CTNNA3: variants seen among roughly 807,000 people sequenced by gnomAD.
CTNNA3 encodes the protein catenin alpha 3, also known as catenin alpha-3.
CTNNA3 carries 76 observed loss-of-function variants against 95.7 expected under a neutral mutation model. The ratio of observed to expected loss-of-function variants is 0.79; its 90% CI spans 0.66 to 0.96. The LOEUF (loss-of-function observed/expected upper bound fraction) is 0.96, where lower values mean the gene tolerates loss of function less well. Ranked by LOEUF, CTNNA3 falls within the 40% of genes least tolerant of loss-of-function variation. The probability of loss-of-function intolerance (pLI) is 0.00; values close to 1 mark genes in which losing one functional copy is unlikely to be tolerated. For missense variants in CTNNA3, 1,191 were observed against 1,089.8 expected (o/e 1.09, Z -1.31); for synonymous variants, 431 against 374.4 (o/e 1.15, Z -1.74).
chr10:66,049,907 T>G (rs1016614360), intron 15 of CTNNA3, among the ~76,000 whole-genome samples: 10 of 152,126 alleles, frequency 6.6e-5, no homozygotes, highest in African/African-American at 2.4e-4. Flanking sequence ...TATTTGCCTA[T>G]GTAACAAACC....
In CTNNA3 at chr10:66,220,918, G is replaced by A. The variant is rs574653460; in HGVS notation, c.1884+59552C>T. 2.0e-5 allele frequency among the ~76,000 whole-genome samples: 3 copies of A among 152,256 alleles called. No individual in the cohort carries two copies. The East Asian group carries it at 5.8e-4, about 29-fold the overall frequency. ...GGTGGGCCAGAGTGGTTTTGAAAAAGACAACATTCAAGCCAGAAAACAGGG... is the reference window on the plus strand; with the variant it reads ...GGTGGGCCAGAGTGGTTTTGAAAAAAACAACATTCAAGCCAGAAAACAGGG... On this transcript the variant is annotated intron_variant, in intron 13 of 17. Coordinates refer to ENST00000433211, the MANE Select transcript of CTNNA3 (RefSeq NM_013266.4).
At chr10:66,611,382 A>G (rs1308094611) in intron 10 of CTNNA3, among the ~76,000 whole-genome samples, 2 of 152,230 alleles carry the variant, frequency 1.3e-5, no homozygotes, top group Admixed American at 6.5e-5. Context: ...TCCAAATATC[A>G]TATGTACCCC....
At chr10:66,929,139 T>C (rs1847233825) in intron 7 of CTNNA3, among the ~76,000 whole-genome samples, 1 of 152,194 alleles carries the variant, frequency 6.6e-6, no homozygotes, top group Admixed American at 6.5e-5. Flanking sequence ...GACAAAAATG[T>C]AAAGTTTTCG....
intron 1 of CTNNA3, among the ~76,000 whole-genome samples, chr10:67,680,234 G>T (rs1840602220): frequency 6.6e-6 from 1 of 152,134 alleles, no homozygotes; most frequent in Admixed American, 6.6e-5. Flanking sequence ...AGGTCCAGGG[G>T]GTCTCAAGCA....
intron 10 of CTNNA3, among the ~76,000 whole-genome samples, chr10:66,612,790 C>T (rs960588659): frequency 2.0e-5 from 3 of 152,026 alleles, no homozygotes; most frequent in African/African-American, 7.2e-5. Flanking sequence ...ATGCCCTTTT[C>T]GTATTTTCCC....
At chr10:66,000,933 C>A (rs1333690609) in intron 15 of CTNNA3, among the ~76,000 whole-genome samples, 1 of 151,996 alleles carries the variant, frequency 6.6e-6, no homozygotes, top group African/African-American at 2.4e-5. Context: ...TGTTGCCTCC[C>A]ATAAAACATA....
At chr10:66,018,874 T>A (rs1032121162) in intron 15 of CTNNA3, among the ~76,000 whole-genome samples, 2 of 151,740 alleles carry the variant, frequency 1.3e-5, no homozygotes, top group African/African-American at 4.8e-5. Flanking sequence ...TAGGAAGTGA[T>A]AGATGATCAA....
At chr10:66,016,219 C>T (rs1189071838) in intron 15 of CTNNA3, among the ~76,000 whole-genome samples, 1 of 152,120 alleles carries the variant, frequency 6.6e-6, no homozygotes, top group Non-Finnish European at 1.5e-5. Flanking sequence ...TGAGACACAC[C>T]TATTTATGTA....
chr10:67,520,190 TAATA>T (rs1839940754), intron 5 of CTNNA3, among the ~76,000 whole-genome samples: 1 of 152,220 alleles, frequency 6.6e-6, no homozygotes, highest in South Asian at 2.1e-4. Context: ...GCTTTTCATT[TAATA>T]AATAGTATAG....
At chr10:66,318,671 T>C (rs777865459) in intron 12 of CTNNA3, among the ~76,000 whole-genome samples, 79 of 152,098 alleles carry the variant, frequency 5.2e-4, no homozygotes, top group Non-Finnish European at 2.2e-4. Context: ...TTCTAAAAAT[T>C]CTTCCATGCT....
intron 5 of CTNNA3, among the ~76,000 whole-genome samples, chr10:67,389,411 C>A (rs1311342859): frequency 6.6e-6 from 1 of 151,154 alleles, no homozygotes; most frequent in Non-Finnish European, 1.5e-5. Flanking sequence ...ATTCATAAAG[C>A]AAGTCCTGAG....
At chr10:66,051,503 T>C (rs1194749118) in intron 15 of CTNNA3, among the ~76,000 whole-genome samples, 2 of 152,212 alleles carry the variant, frequency 1.3e-5, no homozygotes, top group Non-Finnish European at 2.9e-5. Flanking sequence ...TCATGAAATA[T>C]CTTGTATGAA....
intron 7 of CTNNA3, among the ~76,000 whole-genome samples, chr10:67,000,558 A>G (rs1378990424): frequency 1.3e-5 from 2 of 152,022 alleles, no homozygotes; most frequent in Non-Finnish European, 2.9e-5. Context: ...TACACCAATC[A>G]CCTCCTCCAA....
At chr10:66,473,115 T>C (rs898212981) in intron 11 of CTNNA3, among the ~76,000 whole-genome samples, 3 of 151,992 alleles carry the variant, frequency 2.0e-5, no homozygotes, top group Admixed American at 6.6e-5. Context: ...AATGAGAGTA[T>C]TAGCCTATCC....
At chr10:67,306,790 A>T (rs547049928) in intron 5 of CTNNA3, among the ~76,000 whole-genome samples, 11 of 152,060 alleles carry the variant, frequency 7.2e-5, no homozygotes, top group African/African-American at 2.7e-4. Flanking sequence ...ATTTTTTTAA[A>T]AAAAAATACA....
intron 12 of CTNNA3, among the ~76,000 whole-genome samples, chr10:66,372,801 G>T (rs991450903): frequency 1.3e-5 from 2 of 152,100 alleles, no homozygotes; most frequent in Admixed American, 1.3e-4. Flanking sequence ...AAAACCATCA[G>T]ATTTTGTGAG....
At chr10:67,164,417 G>A (rs1204048675) in intron 7 of CTNNA3, among the ~76,000 whole-genome samples, 1 of 152,058 alleles carries the variant, frequency 6.6e-6, no homozygotes, top group Admixed American at 6.6e-5. Context: ...GGAACTTTGA[G>A]AAAAGTCTCA....
chr10:66,159,866 G>T (rs910648955), intron 13 of CTNNA3, among the ~76,000 whole-genome samples: 5 of 151,720 alleles, frequency 3.3e-5, no homozygotes, highest in Non-Finnish European at 7.4e-5. Context: ...CTTGTTGTTG[G>T]TCTGCTCAGG....
At chr10:67,209,948 A>C (rs553039971) in intron 6 of CTNNA3, among the ~76,000 whole-genome samples, 13 of 152,226 alleles carry the variant, frequency 8.5e-5, no homozygotes, top group Non-Finnish European at 1.8e-4. Context: ...TAACTCAATA[A>C]ATATATTCAA....
Sources: gnomAD v4.1 joint callset for allele counts (sites outside exome capture counted in the v4.1 genomes callset) on GRCh38, gnomAD v4.1.1 for gene constraint, MANE v1.5 for transcripts, NCBI Gene and HGNC (gene_info 2026-07-23, HGNC 2026-07-21) for gene names.